Variants in ARHGEF7 observed in about 807,000 individuals in gnomAD.
ARHGEF7 encodes the protein Rho guanine nucleotide exchange factor 7.
ARHGEF7 carries 33 observed loss-of-function variants against 109.8 expected under a neutral mutation model. The observed-to-expected ratio is 0.30, with a 90% CI of 0.23 to 0.40. The LOEUF (loss-of-function observed/expected upper bound fraction) is 0.40, where lower values mean the gene tolerates loss of function less well. Among genes scored for constraint, ARHGEF7 ranks in the 10% least tolerant of loss-of-function variants. The pLI, the probability that ARHGEF7 is intolerant of heterozygous loss-of-function variation, is 1.00. For missense variants in ARHGEF7, 938 were observed against 1,098.5 expected (o/e 0.85, Z 2.07); for synonymous variants, 458 against 424.6 (o/e 1.08, Z -0.97).
At chr13:111,269,410 G>A (rs935926130) in intron 9 of ARHGEF7, among the ~76,000 whole-genome samples, 1 of 152,194 alleles carries the variant, frequency 6.6e-6, no homozygotes, top group Non-Finnish European at 1.5e-5. Flanking sequence ...CCTAAAATGC[G>A]AAGCCATTCA....
intron 2 of ARHGEF7, among the ~76,000 whole-genome samples, chr13:111,156,308 G>A (rs1426377604): frequency 2.0e-5 from 3 of 152,120 alleles, no homozygotes; most frequent in African/African-American, 7.2e-5. Flanking sequence ...TGAACTTGAG[G>A]TTGTAAGTGA....
At chr13:111,176,592 G>C (rs2078184644) in intron 2 of ARHGEF7, among the ~76,000 whole-genome samples, 1 of 152,226 alleles carries the variant, frequency 6.6e-6, no homozygotes, top group African/African-American at 2.4e-5. Flanking sequence ...TCCCTGGGAA[G>C]TTTCCCATCA....
chr13:111,268,337 A>G (rs2153585984), intron 9 of ARHGEF7, among the ~76,000 whole-genome samples: 1 of 152,338 alleles, frequency 6.6e-6, no homozygotes, highest in East Asian at 1.9e-4. Context: ...TTCTAAAAAG[A>G]TTTATATTAA....
At chr13:111,175,895 C>T (rs1042964013) in intron 2 of ARHGEF7, among the ~76,000 whole-genome samples, 1 of 152,288 alleles carries the variant, frequency 6.6e-6, no homozygotes, top group East Asian at 1.9e-4. Context: ...GGGAAGCAAA[C>T]ACGTCCTTCT....
At chr13:111,163,084 G>T (rs2076867799) in intron 2 of ARHGEF7, among the ~76,000 whole-genome samples, 1 of 152,186 alleles carries the variant, frequency 6.6e-6, no homozygotes, top group Non-Finnish European at 1.5e-5. Flanking sequence ...GAAACGGTTG[G>T]TCACAACATA....
intron 2 of ARHGEF7, among the ~76,000 whole-genome samples, chr13:111,172,861 G>C (rs1017443230): frequency 6.6e-6 from 1 of 152,196 alleles, no homozygotes; most frequent in Non-Finnish European, 1.5e-5. Context: ...TTTCTAGTCA[G>C]ACATTACTGA....
chr13:111,154,633 C>T (rs1317561590), intron 2 of ARHGEF7, among the ~76,000 whole-genome samples: 1 of 152,236 alleles, frequency 6.6e-6, no homozygotes, highest in Non-Finnish European at 1.5e-5. Context: ...TCTCGATTCC[C>T]TGTTGTAAAA....
intron 2 of ARHGEF7, among the ~76,000 whole-genome samples, chr13:111,201,328 TC>T (rs2153460654): frequency 6.6e-6 from 1 of 152,360 alleles, no homozygotes; most frequent in South Asian, 2.1e-4. Context: ...AAGATAATTT[TC>T]CTAAACAGTG....
intron 2 of ARHGEF7, chr13:111,184,932 T>G (rs1214253115): frequency 6.6e-6 from 1 of 152,214 alleles, no homozygotes; most frequent in Non-Finnish European, 1.5e-5. Context: ...ACCTGTTTCC[T>G]GTGTCACACT....
chr13:111,231,905 C>G, intron 5 of ARHGEF7, among the ~76,000 whole-genome samples: 1 of 152,152 alleles, frequency 6.6e-6, no homozygotes, highest in East Asian at 1.9e-4. Flanking sequence ...ATCAGAATTT[C>G]TTGGGGAAGA....
At chr13:111,262,159 A>C (rs547628794) in intron 8 of ARHGEF7, among the ~76,000 whole-genome samples, 3 of 152,364 alleles carry the variant, frequency 2.0e-5, no homozygotes, top group Non-Finnish European at 4.4e-5. Flanking sequence ...TGAAACCAAA[A>C]GTGGCTTTTT....
In ARHGEF7 at chr13:111,218,710, A is replaced by G. The variant is rs535322296; in HGVS notation, c.670+830A>G. On this transcript the variant is annotated intron_variant, in intron 5 of 21. Coordinates refer to ENST00000646102, the MANE Select transcript of ARHGEF7 (RefSeq NM_001354046.2). ...AGCCTCAGAGCCACAGGTGTTTCATATGGAAAATGAGGATGATAGTTCTCC... is the reference window on the plus strand; with the variant it reads ...AGCCTCAGAGCCACAGGTGTTTCATGTGGAAAATGAGGATGATAGTTCTCC... 3.3e-5 allele frequency among the ~76,000 whole-genome samples: 5 copies of G among 152,316 alleles called. No individual in the cohort carries two copies. In the South Asian group the frequency reaches 1.0e-3, roughly 32 times the overall value.
At chr13:111,134,626 T>A (rs1207517259) in intron 1 of ARHGEF7, among the ~76,000 whole-genome samples, 1 of 152,224 alleles carries the variant, frequency 6.6e-6, no homozygotes. Context: ...CTTCACCCAC[T>A]TTTTGATGGG....
chr13:111,196,919 A>G (rs577885541), intron 2 of ARHGEF7, among the ~76,000 whole-genome samples: 1 of 152,302 alleles, frequency 6.6e-6, no homozygotes, highest in African/African-American at 2.4e-5. Context: ...TTTACCCATC[A>G]GAGAGAGAAT....
chr13:111,154,115 C>A, intron 2 of ARHGEF7, 124 bp downstream of exon 2: 1 of 1,027,262 alleles, frequency 9.7e-7, no homozygotes, highest in Non-Finnish European at 1.4e-6. Context: ...TCCCCGGCTG[C>A]TCGAGAGTCC....
chr13:111,186,520 C>T (rs997725868), intron 2 of ARHGEF7, among the ~76,000 whole-genome samples: 2 of 152,162 alleles, frequency 1.3e-5, no homozygotes, highest in African/African-American at 4.8e-5. Context: ...GAAGTGAAAA[C>T]GTACTGCTGG....
chr13:111,221,551 C>CTA (rs1312286681), intron 5 of ARHGEF7, among the ~76,000 whole-genome samples: 27 of 58,716 alleles, frequency 4.6e-4, no homozygotes, highest in South Asian at 3.2e-3. Context: ...AGATACATAT[C>CTA]TATATATCTA....
chr13:111,217,400 C>T (rs112173733), intron 4 of ARHGEF7, among the ~76,000 whole-genome samples: 7 of 152,204 alleles, frequency 4.6e-5, no homozygotes, highest in East Asian at 1.9e-4. Flanking sequence ...TGGAGAAGTG[C>T]GTGTAGTGTG....
At chr13:111,300,394 G>A (rs2093537502) in intron 19 of ARHGEF7, among the ~76,000 whole-genome samples, 1 of 152,172 alleles carries the variant, frequency 6.6e-6, no homozygotes, top group East Asian at 1.9e-4. Context: ...TGTCTTTGCT[G>A]AAACTCTTGG....
Sources: gnomAD v4.1 joint callset for allele counts (sites outside exome capture counted in the v4.1 genomes callset) on GRCh38, gnomAD v4.1.1 for gene constraint, MANE v1.5 for transcripts, NCBI Gene and HGNC (gene_info 2026-07-23, HGNC 2026-07-21) for gene names.